Variants in ANO2 observed in about 807,000 individuals in gnomAD.
ANO2 encodes anoctamin-2.
Under a neutral mutation model 124.2 loss-of-function variants are expected in ANO2, and 101 were observed. That is an observed-to-expected ratio of 0.81 (90% CI 0.69 to 0.96). ANO2 has a LOEUF of 0.96. Among genes scored for constraint, ANO2 ranks in the 40% least tolerant of loss-of-function variants. The pLI is 0.00. For synonymous variants in ANO2, 486 were observed against 482.5 expected (o/e 1.01, Z -0.09); for missense variants, 1,293 against 1,274.5 (o/e 1.01, Z -0.22).
At chr12:5,771,428 G>T (rs1356568088) in intron 10 of ANO2, among the ~76,000 whole-genome samples, 1 of 152,082 alleles carries the variant, frequency 6.6e-6, no homozygotes, top group Non-Finnish European at 1.5e-5. Flanking sequence ...CTTAAAAAGT[G>T]TTATCATTTA....
intron 14 of ANO2, among the ~76,000 whole-genome samples, chr12:5,697,908 A>C (rs1949251734): frequency 1.3e-5 from 2 of 152,148 alleles, no homozygotes; most frequent in South Asian, 4.1e-4. Context: ...AGGCTGGGGG[A>C]GGGGCCCCCA....
chr12:5,777,711 T>C (rs187904949), intron 10 of ANO2, among the ~76,000 whole-genome samples: 2 of 152,226 alleles, frequency 1.3e-5, no homozygotes, highest in South Asian at 2.1e-4. Context: ...CCAAAATGCA[T>C]AGTATGGTTT....
chr12:5,798,695 A>G (rs967082671), intron 10 of ANO2, among the ~76,000 whole-genome samples: 13 of 152,194 alleles, frequency 8.5e-5, no homozygotes, highest in African/African-American at 3.1e-4. Context: ...CAGCCTCCCA[A>G]GTTAGGACAA....
intron 14 of ANO2, among the ~76,000 whole-genome samples, chr12:5,722,531 A>G (rs1950272826): frequency 6.6e-6 from 1 of 152,080 alleles, no homozygotes; most frequent in Admixed American, 6.5e-5. Flanking sequence ...AAAACTAAAA[A>G]CAGTACTATA....
chr12:5,681,716 C>G (rs796181574), intron 14 of ANO2, among the ~76,000 whole-genome samples: 1 of 152,182 alleles, frequency 6.6e-6, no homozygotes, highest in Non-Finnish European at 1.5e-5. Context: ...TCTTCTTATT[C>G]CCTGGAGTCC....
chr12:5,772,676 T>A, intron 10 of ANO2, among the ~76,000 whole-genome samples: 1 of 152,212 alleles, frequency 6.6e-6, no homozygotes, highest in East Asian at 1.9e-4. Context: ...ATAAACAGCA[T>A]GTGCCACACT....
chr12:5,768,971 C>G (rs918024298), intron 10 of ANO2, among the ~76,000 whole-genome samples: 9 of 152,116 alleles, frequency 5.9e-5, no homozygotes, highest in Admixed American at 3.9e-4. Flanking sequence ...GGAGCTAGTT[C>G]AGAAAGTACA....
intron 10 of ANO2, among the ~76,000 whole-genome samples, chr12:5,792,771 T>C (rs1164018474): frequency 2.0e-5 from 3 of 152,218 alleles, no homozygotes; most frequent in Non-Finnish European, 4.4e-5. Flanking sequence ...GTCCCTTTAT[T>C]TCCCAGAAAA....
chr12:5,692,657 C>T (rs1225060008), intron 14 of ANO2, among the ~76,000 whole-genome samples: 1 of 152,086 alleles, frequency 6.6e-6, no homozygotes, highest in Non-Finnish European at 1.5e-5. Context: ...CATGTACCTG[C>T]CATGCAGTTT....
intron 14 of ANO2, among the ~76,000 whole-genome samples, chr12:5,714,518 A>G (rs2137043793): frequency 6.6e-6 from 1 of 152,322 alleles, no homozygotes; most frequent in Admixed American, 6.5e-5. Flanking sequence ...CACTCCAGTT[A>G]TGGGATAAAG....
intron 15 of ANO2, among the ~76,000 whole-genome samples, chr12:5,645,452 T>C (rs368436): frequency 0.32 from 48,414 of 152,072 alleles, 8,365 homozygotes; most frequent in African/African-American, 0.42. Context: ...TGTGTACACA[T>C]ATATATACAC....
At chr12:5,707,400 G>A (rs149371916) in intron 14 of ANO2, among the ~76,000 whole-genome samples, 1 of 152,268 alleles carries the variant, frequency 6.6e-6, no homozygotes, top group African/African-American at 2.4e-5. Context: ...CTTTTCAAAT[G>A]TGCACAGCTT....
intron 15 of ANO2, among the ~76,000 whole-genome samples, chr12:5,639,177 T>C (rs1478620461): frequency 6.6e-6 from 1 of 152,198 alleles, no homozygotes; most frequent in African/African-American, 2.4e-5. Flanking sequence ...GAGGGGCAAG[T>C]AGCAATGCAC....
chr12:5,756,722 T>G (rs1324906584), intron 10 of ANO2, among the ~76,000 whole-genome samples: 1 of 151,064 alleles, frequency 6.6e-6, no homozygotes, highest in South Asian at 2.1e-4. Flanking sequence ...ACTAGAGGAC[T>G]GGGCTGCTGC....
chr12:5,894,010 T>C (rs1174863518), intron 3 of ANO2, among the ~76,000 whole-genome samples: 1 of 152,190 alleles, frequency 6.6e-6, no homozygotes, highest in Admixed American at 6.5e-5. Context: ...TACCCAGTAA[T>C]AGGATTGCTG....
intron 4 of ANO2, among the ~76,000 whole-genome samples, chr12:5,843,090 A>G (rs1332427088): frequency 2.0e-5 from 3 of 152,134 alleles, no homozygotes; most frequent in Non-Finnish European, 4.4e-5. Context: ...CAAGAGAAAG[A>G]CCCCACCTAT....
rs1013546873 is a variant in ANO2, at chr12:5,732,913, A to T, written c.1435-283T>A. The T allele has an allele frequency of 2.5e-6, 4 of 1,613,596 alleles. No individual in the cohort carries two copies. In the African/African-American group the frequency reaches 5.3e-5, roughly 22 times the overall value. On this transcript the variant is annotated intron_variant, in intron 13 of 24. Transcript: ENST00000682330. ...CGCCGGTGTTGAGAAAAAGAGAGGA[A>T]ATGTTAACTGGATGGCTGATACGAA...
At chr12:5,691,998 T>G (rs1948964745) in intron 14 of ANO2, among the ~76,000 whole-genome samples, 1 of 152,094 alleles carries the variant, frequency 6.6e-6, no homozygotes, top group Non-Finnish European at 1.5e-5. Flanking sequence ...CCTGGTGGGC[T>G]ATAATGGGGA....
chr12:5,639,039 G>A (rs11063787), intron 15 of ANO2, among the ~76,000 whole-genome samples: 53,631 of 151,980 alleles, frequency 0.35, 9,869 homozygotes, highest in East Asian at 0.54. Flanking sequence ...ACGAGCTTCT[G>A]GTATGCTCTT....
Sources: allele counts gnomAD v4.1 joint callset (sites outside exome capture counted in the v4.1 genomes callset), GRCh38; gene constraint gnomAD v4.1.1; transcripts MANE v1.5; gene names NCBI Gene and HGNC (gene_info 2026-07-23, HGNC 2026-07-21).